SERPINA4: variants seen among roughly 807,000 people sequenced by gnomAD.
SERPINA4 encodes serpin family A member 4, also known as kallistatin.
In SERPINA4, 24 loss-of-function variants were observed where a neutral mutation model predicts 25.4. The observed-to-expected ratio is 0.95, with a 90% confidence interval of 0.69 to 1.33. The LOEUF is 1.33. SERPINA4 is among the 40% of genes most tolerant of loss of function. The probability of loss-of-function intolerance (pLI) is 0.00; values close to 1 mark genes in which losing one functional copy is unlikely to be tolerated. For missense variants in SERPINA4, 553 were observed against 535.8 expected (o/e 1.03, Z -0.32); for synonymous variants, 242 against 223.6 (o/e 1.08, Z -0.73).
intron 2 of SERPINA4, 117 bp from the exon 3 acceptor site, chr14:94,566,853 G>C: frequency 8.2e-7 from 1 of 1,222,958 alleles, no homozygotes; most frequent in Non-Finnish European, 1.1e-6. Flanking sequence ...TGGGCTCATA[G>C]GGCAGGATCT....
chr14:94,566,915 G>A, intron 2 of SERPINA4, 55 bp from the exon 3 acceptor site: 2 of 1,554,970 alleles, frequency 1.3e-6, no homozygotes, highest in South Asian at 2.5e-5. Context: ...CCTGGCTGGA[G>A]GACTAGCTCT....
intron 4 of SERPINA4, among the ~76,000 whole-genome samples, chr14:94,569,077 G>C (rs1902312417): frequency 6.6e-6 from 1 of 152,058 alleles, no homozygotes; most frequent in Non-Finnish European, 1.5e-5. Context: ...ACTAGTTTCT[G>C]AATTTATTTT....
intron 3 of SERPINA4, among the ~76,000 whole-genome samples, chr14:94,567,552 A>G (rs1392929156): frequency 6.6e-6 from 1 of 152,124 alleles, no homozygotes; most frequent in African/African-American, 2.4e-5. Context: ...CCTCTGTGCA[A>G]TGAAGAGGTA....
In SERPINA4 at chr14:94,569,439, G is replaced by GGCT. The variant is rs766055057; in HGVS notation, c.1131_1133dup (p.Ala380dup). Reference sequence around the variant, plus strand: ...TGGACGTGGATGAGGCTGGCACCGAGGCTGCAGCAGCCACCAGCTTCGCGA... The same window carrying GGCT: ...TGGACGTGGATGAGGCTGGCACCGAGGCTGCTGCAGCAGCCACCAGCTTCGCGA... On this transcript the variant is annotated inframe_insertion, in exon 5 of 5. Coordinates refer to ENST00000557004, the MANE Select transcript of SERPINA4 (RefSeq NM_006215.4). The GGCT allele has an allele frequency of 1.2e-6, 2 of 1,614,172 alleles. No individual in the cohort carries two copies. The highest frequency in any genetic ancestry group is 1.7e-6 in the Non-Finnish European group (2 of 1,180,040).
At position 94,563,714 on chromosome 14, in the gene SERPINA4, T is replaced by C. The variant is rs1006283484; in HGVS notation, c.232T>C (p.Ser78Pro). 8 of 1,613,744 alleles carry C rather than the reference T, an allele frequency of 5.0e-6. No individual in the cohort carries two copies. In the Admixed American group the frequency reaches 8.3e-5, roughly 17 times the overall value. The change falls in exon 2 of 5, where the codon TCC becomes CCC. Residue 78 changes from serine (S) to proline (P), a missense_variant. Transcript: ENST00000557004. ...SETPGKNIFF[S>P]PLSISAAYAM... ...GACCCCGGGGAAGAACATCTTTTTCTCCCCGCTGAGCATCTCGGCGGCCTA... is the reference window on the plus strand; with the variant it reads ...GACCCCGGGGAAGAACATCTTTTTCCCCCCGCTGAGCATCTCGGCGGCCTA...
chr14:94,565,344 C>T (rs987159158), intron 2 of SERPINA4, among the ~76,000 whole-genome samples: 3 of 152,118 alleles, frequency 2.0e-5, no homozygotes, highest in Non-Finnish European at 2.9e-5. Flanking sequence ...CAGAGCACTG[C>T]TGAGTCTGAC....
At chr14:94,565,845 T>C (rs892151340) in intron 2 of SERPINA4, among the ~76,000 whole-genome samples, 15 of 152,042 alleles carry the variant, frequency 9.9e-5, no homozygotes, top group Non-Finnish European at 2.1e-4. Context: ...AATGAGACTC[T>C]ATCTCCAAAA....
In SERPINA4 at chr14:94,569,423, A is replaced by G. The variant is rs542364188; in HGVS notation, c.1112A>G (p.Asp371Gly). The change falls in exon 5 of 5, where the codon GAT becomes GGT. Residue 371 changes from aspartate to glycine, a missense_variant. Transcript: ENST00000557004. ...KSFHKATLDV[D>G]EAGTEAAAAT... ...TTCCACAAGGCCACCTTGGACGTGG[A>G]TGAGGCTGGCACCGAGGCTGCAGCA... is the stretch of plus-strand genomic sequence containing the variant. 1.9e-6 allele frequency: 3 copies of G among 1,614,058 alleles called. No homozygotes were observed. Among genetic ancestry groups the G allele is most frequent in the African/African-American group, 1.3e-5 (1 of 75,022 alleles).
At chr14:94,566,659 C>A (rs370728549) in intron 2 of SERPINA4, among the ~76,000 whole-genome samples, 1 of 152,194 alleles carries the variant, frequency 6.6e-6, no homozygotes, top group Non-Finnish European at 1.5e-5. Flanking sequence ...CTCTCCTTCT[C>A]AAGGATGCTC....
chr14:94,562,407 C>T (rs1043245617), intron 1 of SERPINA4, among the ~76,000 whole-genome samples: 13 of 151,858 alleles, frequency 8.6e-5, no homozygotes, highest in Non-Finnish European at 1.6e-4. Context: ...GGTGAGACCC[C>T]AACTCTATAA....
At chr14:94,567,559 GGTAGCCCTTCTGGCCCA>G (rs1902260236) in intron 3 of SERPINA4, among the ~76,000 whole-genome samples, 1 of 152,140 alleles carries the variant, frequency 6.6e-6, no homozygotes, top group Admixed American at 6.5e-5. Flanking sequence ...GCAATGAAGA[GGTAGCCCTTCTGGCCCA>G]GAAGGTTGAC....
rs755854273 is a variant in SERPINA4 at position 94,564,014 on chromosome 14, A to G, written c.532A>G (p.Thr178Ala). ...CACCAACTTCTACGACACTGTGGGC[A>G]CAATCCAGCTTATCAACGACCACGT... ...FHTNFYDTVG[T>A]IQLINDHVKK... Residue 178 changes from threonine to alanine, a missense_variant, in exon 2 of 5, where the codon ACA (threonine) becomes GCA (alanine). Coordinates refer to ENST00000557004, the MANE Select transcript of SERPINA4 (RefSeq NM_006215.4). 1.2e-6 allele frequency: 2 copies of G among 1,613,864 alleles called. No homozygotes were observed. Among genetic ancestry groups the G allele is most frequent in the African/African-American group, 1.3e-5 (1 of 75,066 alleles).
In SERPINA4 at chr14:94,569,739, G is replaced by A. The variant is rs549284172; in HGVS notation, c.*144G>A. 7 of 816,576 alleles carry A rather than the reference G, an allele frequency of 8.6e-6. No homozygotes were observed. The South Asian group carries it at 1.2e-4, about 14-fold the overall frequency. The allele number at this position is 816,576 out of a possible 1,614,324, so 50.6% of individuals were successfully genotyped here. A position where few individuals can be genotyped will look rare whatever the true frequency, so the allele number is the denominator to read the frequency against. On this transcript the variant is annotated 3_prime_UTR_variant, in exon 5 of 5. Coordinates refer to ENST00000557004, the MANE Select transcript of SERPINA4 (RefSeq NM_006215.4). ...GACAGCAGGTGCTGGCCGGTGGGGA[G>A]CGGGGAGGGGCACTGAGATGGGCAG...
chr14:94,567,931 C>A (rs967930870), intron 3 of SERPINA4, among the ~76,000 whole-genome samples, 198 bp from the exon 4 acceptor site: 2 of 152,340 alleles, frequency 1.3e-5, no homozygotes, highest in Non-Finnish European at 1.5e-5. Flanking sequence ...GGAGATCCCA[C>A]AGACAGCAGG....
At chr14:94,569,014 C>T (rs1902311093) in intron 4 of SERPINA4, among the ~76,000 whole-genome samples, 2 of 152,016 alleles carry the variant, frequency 1.3e-5, no homozygotes. Flanking sequence ...GGGGGTAGAG[C>T]CTTGGGTTCA....
At chr14:94,566,882 G>C in intron 2 of SERPINA4, 88 bp from the exon 3 acceptor site, 1 of 1,467,256 alleles carries the variant, frequency 6.8e-7, no homozygotes, top group Non-Finnish European at 9.2e-7. Flanking sequence ...TGTTTCTGTA[G>C]CTCAGAACAC....
At position 94,564,035 on chromosome 14, in the gene SERPINA4, C is replaced by G; in HGVS notation, c.553C>G (p.His185Asp). ...TVGTIQLIND[H>D]VKKETRGKIV... is the part of the protein sequence containing the mutation. ...GGGCACAATCCAGCTTATCAACGACCACGTCAAGAAGGAAACTCGAGGGAA... is the reference window on the plus strand; with the variant it reads ...GGGCACAATCCAGCTTATCAACGACGACGTCAAGAAGGAAACTCGAGGGAA... The change falls in exon 2 of 5, where the codon CAC (histidine) becomes GAC (aspartate). Residue 185 changes from histidine (H) to aspartate (D), a missense_variant. Physicochemically the swap from His to Asp is moderately conservative, Grantham distance 81. Transcript: ENST00000557004. 1 of 1,612,746 alleles carries G rather than the reference C, an allele frequency of 6.2e-7. No individual in the cohort carries two copies. The highest frequency in any genetic ancestry group is 8.5e-7 in the Non-Finnish European group (1 of 1,180,026).
At chr14:94,564,379 G>A (rs2139902304) in intron 2 of SERPINA4, among the ~76,000 whole-genome samples, 1 of 152,244 alleles carries the variant, frequency 6.6e-6, no homozygotes, top group Admixed American at 6.5e-5. Context: ...ATGCATTATA[G>A]CCAGTGATCA....
chr14:94,566,699 C>T (rs993163290), intron 2 of SERPINA4, among the ~76,000 whole-genome samples: 6 of 152,154 alleles, frequency 3.9e-5, no homozygotes, highest in Admixed American at 6.5e-5. Context: ...TTTCCAGCAC[C>T]CCTTGTTTCT....
Sources: allele counts gnomAD v4.1 joint callset (sites outside exome capture counted in the v4.1 genomes callset), GRCh38; gene constraint gnomAD v4.1.1; transcripts MANE v1.5; gene names NCBI Gene and HGNC (gene_info 2026-07-23, HGNC 2026-07-21).